CCDC102B: variants seen among roughly 807,000 people sequenced by gnomAD.
CCDC102B encodes coiled-coil domain containing 102B, also known as coiled-coil domain-containing protein 102B.
In CCDC102B, 75 loss-of-function variants were observed where a neutral mutation model predicts 57.4. That is an observed-to-expected ratio of 1.31 (90% CI 1.08 to 1.58). The LOEUF is 1.58. Among genes scored for constraint, CCDC102B ranks in the 40% most tolerant of loss-of-function variants. The probability of loss-of-function intolerance (pLI) is 0.00; values close to 1 mark genes in which losing one functional copy is unlikely to be tolerated. For synonymous variants in CCDC102B, 206 were observed against 201.9 expected (o/e 1.02, Z -0.17); for missense variants, 636 against 582.6 (o/e 1.09, Z -0.94).
At chr18:69,004,036 C>G (rs1488083447) in intron 6 of CCDC102B, among the ~76,000 whole-genome samples, 1 of 152,192 alleles carries the variant, frequency 6.6e-6, no homozygotes, top group East Asian at 1.9e-4. Flanking sequence ...AAAACTAACT[C>G]TGAATTACAG....
At chr18:68,906,972 G>A (rs1002340449) in intron 6 of CCDC102B, among the ~76,000 whole-genome samples, 7 of 150,668 alleles carry the variant, frequency 4.6e-5, no homozygotes, top group African/African-American at 7.4e-5. Context: ...TCTATTTTGA[G>A]TTAATTTTTG....
At chr18:68,959,244 C>T (rs999873969) in intron 6 of CCDC102B, among the ~76,000 whole-genome samples, 2 of 152,188 alleles carry the variant, frequency 1.3e-5, no homozygotes, top group African/African-American at 4.8e-5. Flanking sequence ...TCCAGTAACA[C>T]TGTGGCTTTT....
At chr18:68,753,832 G>A (rs566847820) in intron 2 of CCDC102B, 1 of 152,158 alleles carries the variant, frequency 6.6e-6, no homozygotes, top group African/African-American at 2.4e-5. Flanking sequence ...AAAGTATTGG[G>A]ATCACAGACA....
At chr18:68,958,066 A>G (rs979798636) in intron 6 of CCDC102B, among the ~76,000 whole-genome samples, 39 of 152,210 alleles carry the variant, frequency 2.6e-4, no homozygotes, top group East Asian at 5.8e-4. Context: ...CTCACATGCC[A>G]GCAGACAAGA....
At chr18:68,877,260 G>T (rs114627562) in intron 5 of CCDC102B, among the ~76,000 whole-genome samples, 2,620 of 152,248 alleles carry the variant, frequency 0.017, 74 homozygotes, top group African/African-American at 0.059. Flanking sequence ...GAAAAGAAGG[G>T]ACTGTATCAA....
In CCDC102B at chr18:68,738,016, A is replaced by G. The variant is rs189579284; in HGVS notation, c.-67+21422A>G. 9.0e-4 allele frequency among the ~76,000 whole-genome samples: 137 copies of G among 152,280 alleles called. 1 individual carries two copies. Among genetic ancestry groups the G allele is most frequent in the African/African-American group, 3.1e-3 (127 of 41,546 alleles). On this transcript the variant is annotated intron_variant, in intron 2 of 3. Transcript: ENST00000578970. The stretch of plus-strand genomic sequence containing the variant: ...ATGTATTTTACATTTTGAGGACCAT[A>G]TAATGACCACTCATTTAATGTGTGT...
rs776686677 is a variant in CCDC102B, at chr18:68,837,133, A to G, written c.370A>G (p.Arg124Gly). The part of the protein sequence containing the change: ...NSAREEGRQL[R>G]IKLEMAMKEL... ...TGCCAGGGAGGAAGGAAGACAACTC[A>G]GAATAAAACTAGAGATGGCGATGAA... The change falls in exon 2 of 8, where the codon AGA becomes GGA. Residue 124 changes from arginine to glycine, a missense_variant. Transcript: ENST00000360242. 4 of 1,614,128 alleles carry G rather than the reference A, an allele frequency of 2.5e-6. No homozygotes were observed. The highest frequency in any genetic ancestry group is 4.5e-5 in the East Asian group (2 of 44,872).
rs1475504686 is a variant in CCDC102B at position 68,774,247 on chromosome 18, T to A, written c.-66-49119T>A. On this transcript the variant is annotated intron_variant, in intron 2 of 3. Coordinates refer to the CCDC102B transcript ENST00000578970. Reference sequence around the variant, plus strand: ...GTCACTATTCCTAACTTTTTTCACTTAACAAAACTAGAGTATATAAATGTA... The same window carrying A: ...GTCACTATTCCTAACTTTTTTCACTAAACAAAACTAGAGTATATAAATGTA... Among the ~76,000 whole-genome samples the A allele has an allele frequency of 3.3e-5, 5 of 151,766 alleles. No individual in the cohort carries two copies. The East Asian group carries it at 7.7e-4, about 23-fold the overall frequency.
At chr18:68,875,887 A>T (rs1386455165) in intron 5 of CCDC102B, among the ~76,000 whole-genome samples, 1 of 152,138 alleles carries the variant, frequency 6.6e-6, no homozygotes, top group East Asian at 1.9e-4. Context: ...TCCTCATCAC[A>T]TCAATGCCAT....
intron 1 of CCDC102B, among the ~76,000 whole-genome samples, chr18:68,819,558 C>T (rs1202266565): frequency 4.0e-5 from 6 of 151,764 alleles, no homozygotes; most frequent in African/African-American, 1.5e-4. Flanking sequence ...CTTTCTTTGA[C>T]TTTTTCTATT....
intron 7 of CCDC102B, among the ~76,000 whole-genome samples, chr18:69,037,728 T>G (rs2052332914): frequency 6.6e-6 from 1 of 151,916 alleles, no homozygotes; most frequent in South Asian, 2.1e-4. Flanking sequence ...AATAGAAAAA[T>G]TCAGAATATA....
intron 1 of CCDC102B, among the ~76,000 whole-genome samples, chr18:68,802,979 A>G (rs1201344851): frequency 1.3e-5 from 2 of 152,216 alleles, no homozygotes; most frequent in African/African-American, 4.8e-5. Flanking sequence ...GTATATACAG[A>G]TAATCATCAT....
rs534734642 is a variant in CCDC102B at position 68,810,939 on chromosome 18, A to G, written c.-16+12758A>G. On this transcript the variant is annotated intron_variant, in intron 1 of 7. Transcript: ENST00000360242. ...GTTCAGCTCCCACTTATGAGTGAGA[A>G]CATGCAGTGTTTGGTTTTCTGTTCC... 2.0e-5 allele frequency among the ~76,000 whole-genome samples: 3 copies of G among 152,176 alleles called. No homozygotes were observed. The East Asian group carries it at 5.8e-4, about 29-fold the overall frequency.
intron 1 of CCDC102B, among the ~76,000 whole-genome samples, chr18:68,831,594 G>A (rs561417769): frequency 4.6e-5 from 7 of 152,058 alleles, no homozygotes; most frequent in Non-Finnish European, 1.0e-4. Flanking sequence ...CTGCTTTGGC[G>A]AATTATTTTC....
At chr18:68,961,710 G>A (rs1599758933) in intron 6 of CCDC102B, among the ~76,000 whole-genome samples, 1 of 151,862 alleles carries the variant, frequency 6.6e-6, no homozygotes, top group Non-Finnish European at 1.5e-5. Context: ...AAATTATGTT[G>A]TAGCTCTTAA....
chr18:69,042,159 C>A (rs1384543709), intron 7 of CCDC102B, among the ~76,000 whole-genome samples: 1 of 152,062 alleles, frequency 6.6e-6, no homozygotes, highest in South Asian at 2.1e-4. Context: ...CTGGGAAGTT[C>A]TCTTTTTCAA....
chr18:68,876,213 T>C (rs1364399352), intron 5 of CCDC102B, among the ~76,000 whole-genome samples: 5 of 152,214 alleles, frequency 3.3e-5, no homozygotes, highest in Non-Finnish European at 5.9e-5. Context: ...ATTTAATCTT[T>C]AGTTCTGCGA....
At chr18:68,741,667 TCACACACACACA>T (rs60407642) in intron 2 of CCDC102B, among the ~76,000 whole-genome samples, 1,664 of 140,348 alleles carry the variant, frequency 0.012, 33 homozygotes, top group African/African-American at 0.04. Context: ...TGAAGACTGG[TCACACACACACA>T]CACACACACA....
At chr18:69,012,386 T>C (rs977214185) in intron 7 of CCDC102B, among the ~76,000 whole-genome samples, 3 of 152,260 alleles carry the variant, frequency 2.0e-5, no homozygotes, top group Middle Eastern at 3.4e-3. Flanking sequence ...CTAGGGTTCG[T>C]GGACTAATGA....
Sources: gnomAD v4.1 joint callset for allele counts (sites outside exome capture counted in the v4.1 genomes callset) on GRCh38, gnomAD v4.1.1 for gene constraint, MANE v1.5 for transcripts, NCBI Gene and HGNC (gene_info 2026-07-23, HGNC 2026-07-21) for gene names.